PAX9: variants seen among roughly 807,000 people sequenced by gnomAD.
The protein encoded by PAX9 is paired box protein Pax-9.
In PAX9, 6 loss-of-function variants were observed where a neutral mutation model predicts 29.1. The observed-to-expected ratio is 0.21, with a 90% CI of 0.11 to 0.41. The LOEUF is 0.41. PAX9 is among the 10% of genes least tolerant of loss of function. The pLI, the probability that PAX9 is intolerant of heterozygous loss-of-function variation, is 1.00. For missense variants in PAX9, 443 were observed against 479.1 expected (o/e 0.92, Z 0.70); for synonymous variants, 217 against 211.7 (o/e 1.03, Z -0.22).
chr14:36,668,676 C>T (rs1283160062), intron 3 of PAX9, among the ~76,000 whole-genome samples: 1 of 152,134 alleles, frequency 6.6e-6, no homozygotes, highest in Non-Finnish European at 1.5e-5. Flanking sequence ...CGTGAGCCAC[C>T]GTGCCGGCCA....
At chr14:36,671,932 A>T (rs116022319) in intron 3 of PAX9, 1 of 152,122 alleles carries the variant, frequency 6.6e-6, no homozygotes, top group East Asian at 1.9e-4. Context: ...AGGGTATGCA[A>T]TTTAGTCTAT....
upstream of PAX9, chr14:36,658,447 G>C (rs956758046): frequency 6.6e-6 from 1 of 151,894 alleles, no homozygotes; most frequent in Non-Finnish European, 1.5e-5. Flanking sequence ...TGCTAGCTCT[G>C]CTTGTCATAA....
intron 3 of PAX9, among the ~76,000 whole-genome samples, chr14:36,674,796 G>A (rs11844675): frequency 0.13 from 20,234 of 152,088 alleles, 1,821 homozygotes; most frequent in Admixed American, 0.27. Flanking sequence ...TGAGGTGTTT[G>A]TTCTTACAGA....
intron 2 of PAX9, among the ~76,000 whole-genome samples, chr14:36,664,570 T>G (rs1481371630): frequency 4.7e-5 from 2 of 42,110 alleles, no homozygotes; most frequent in Non-Finnish European, 1.8e-4. Flanking sequence ...TTTACTGAGT[T>G]TTTTTTTTTT....
chr14:36,662,999 G>A lies in PAX9; in HGVS notation c.107G>A (p.Gly36Asp). 6.2e-7 allele frequency: 1 copy of A among 1,613,722 alleles called. No homozygotes were observed. Among genetic ancestry groups the A allele is most frequent in the Non-Finnish European group, 8.5e-7 (1 of 1,180,036 alleles). Residue 36 changes from glycine (G) to aspartate (D), a missense_variant, in exon 2 of 4, where the codon GGC (glycine) becomes GAC (aspartate). By Grantham distance (94) the Gly-to-Asp change is moderately conservative (BLOSUM62 -1). Transcript: ENST00000361487. ...RLRIVELAQLGIRPCDISRQL... is the reference protein window; with the variant it reads ...RLRIVELAQLDIRPCDISRQL... Reference sequence around the variant, plus strand: ...CGCATCGTGGAACTGGCCCAACTGGGCATCCGACCGTGTGACATCAGCCGC... The same window carrying A: ...CGCATCGTGGAACTGGCCCAACTGGACATCCGACCGTGTGACATCAGCCGC...
intron 3 of PAX9, chr14:36,672,183 T>C (rs994184979): frequency 6.6e-6 from 1 of 152,240 alleles, no homozygotes; most frequent in African/African-American, 2.4e-5. Flanking sequence ...ATTTGTTTAC[T>C]CTTCCCTGGG....
chr14:36,667,658 G>A (rs1256817422), intron 3 of PAX9, among the ~76,000 whole-genome samples: 3 of 152,090 alleles, frequency 2.0e-5, no homozygotes, highest in African/African-American at 7.2e-5. Context: ...ATTATTTTCT[G>A]TAACAAATCC....
At chr14:36,672,514 T>C (rs1002091221) in intron 3 of PAX9, among the ~76,000 whole-genome samples, 1 of 152,236 alleles carries the variant, frequency 6.6e-6, no homozygotes, top group East Asian at 1.9e-4. Flanking sequence ...TTTATATCTT[T>C]TACTAATGTT....
rs1881981433 is a variant in PAX9 at position 36,677,970 on chromosome 14, G to A, written c.*1518G>A. ...CTGTTTAGGAAGTTCTTCCTGTTTGGCAATATAGGCTTAAAAATATGTTTT... is the reference window on the plus strand; with the variant it reads ...CTGTTTAGGAAGTTCTTCCTGTTTGACAATATAGGCTTAAAAATATGTTTT... On this transcript the variant is annotated 3_prime_UTR_variant, in exon 4 of 4. Coordinates refer to ENST00000361487, the MANE Select transcript of PAX9 (RefSeq NM_001372076.1). 6.5e-6 allele frequency: 1 copy of A among 152,904 alleles called. No homozygotes were observed. The highest frequency in any genetic ancestry group is 6.5e-5 in the Admixed American group (1 of 15,420). The allele number at this position is 152,904 out of a possible 1,614,324, so 9.5% of individuals were successfully genotyped here.
intron 1 of PAX9, 198 bp from the exon 2 acceptor site, chr14:36,662,699 G>A: frequency 1.5e-6 from 1 of 645,614 alleles, no homozygotes; most frequent in Non-Finnish European, 2.6e-6. Flanking sequence ...CAGGAATGAG[G>A]GAGGGGGTCC....
At chr14:36,661,686 A>C (rs551055242), upstream of PAX9, 18 of 286,930 alleles carry the variant, frequency 6.3e-5, no homozygotes, top group African/African-American at 3.3e-4. Context: ...ACCCATTTTC[A>C]TTGTATTTAG....
chr14:36,674,728 A>G (rs1881819718), intron 3 of PAX9, among the ~76,000 whole-genome samples: 1 of 152,228 alleles, frequency 6.6e-6, no homozygotes, highest in African/African-American at 2.4e-5. Flanking sequence ...CACTTAAGAA[A>G]CTTTAGCTTC....
chr14:36,662,588 G>T, intron 1 of PAX9: 1 of 490,508 alleles, frequency 2.0e-6, no homozygotes, highest in African/African-American at 1.9e-5. Context: ...GCACGTTCAG[G>T]CGTCAAGACC....
chr14:36,675,296 T>C (rs1458643695), intron 3 of PAX9, among the ~76,000 whole-genome samples: 1 of 152,260 alleles, frequency 6.6e-6, no homozygotes, highest in Non-Finnish European at 1.5e-5. Flanking sequence ...GTGTTTTTAG[T>C]GTTGTTAATA....
At chr14:36,662,775 C>T (rs1298233688) in intron 1 of PAX9, 122 bp from the exon 2 acceptor site, 9 of 1,206,858 alleles carry the variant, frequency 7.5e-6, no homozygotes, top group Non-Finnish European at 1.1e-5. Flanking sequence ...GGGGACAGCC[C>T]CAGTAGTTAG....
At chr14:36,664,234 G>GTA in intron 2 of PAX9, among the ~76,000 whole-genome samples, 1 of 152,118 alleles carries the variant, frequency 6.6e-6, no homozygotes, top group Admixed American at 6.5e-5. Context: ...AGACTTCACT[G>GTA]TATATATCTT....
At chr14:36,674,214 T>G (rs1881800507) in intron 3 of PAX9, among the ~76,000 whole-genome samples, 3 of 152,232 alleles carry the variant, frequency 2.0e-5, no homozygotes, top group Admixed American at 2.0e-4. Context: ...AACTATTCTT[T>G]TTTTAGAAGG....
chr14:36,668,449 C>T (rs542498921), intron 3 of PAX9, among the ~76,000 whole-genome samples: 4 of 152,234 alleles, frequency 2.6e-5, no homozygotes, highest in East Asian at 3.9e-4. Flanking sequence ...AGTGCAGTGG[C>T]GCGATCTCTA....
At position 36,679,194 on chromosome 14, in the gene PAX9, TTTG is replaced by T; in HGVS notation, c.*2745_*2747del. ...ATTCTTATTTCTTTTTTTTCACAAT[TTTG>T]TTTTGTTTTTAATGACCCTTTTATT... On this transcript the variant is annotated 3_prime_UTR_variant, in exon 4 of 4. Transcript: ENST00000361487. The T allele has an allele frequency of 2.0e-6, 2 of 984,924 alleles. No homozygotes were observed. The highest frequency in any genetic ancestry group is 3.5e-5 in the African/African-American group (2 of 57,334). 61.0% of individuals were successfully genotyped at this position (984,924 alleles called of 1,614,324 possible).
Sources: allele counts gnomAD v4.1 joint callset (sites outside exome capture counted in the v4.1 genomes callset), GRCh38; gene constraint gnomAD v4.1.1; transcripts MANE v1.5; gene names NCBI Gene and HGNC (gene_info 2026-07-23, HGNC 2026-07-21).